The following PCDHA2 variants were observed in gnomAD, a reference collection of about 807,000 sequenced individuals.
PCDHA2 encodes the protein protocadherin alpha 2.
Under a neutral mutation model 66.0 loss-of-function variants are expected in PCDHA2, and 58 were observed. That is an observed-to-expected ratio of 0.88 (90% CI 0.71 to 1.09). PCDHA2 has a LOEUF of 1.09. PCDHA2 is among the 50% of genes least tolerant of loss of function. The probability of loss-of-function intolerance (pLI) is 0.00; values close to 1 mark genes in which losing one functional copy is unlikely to be tolerated. For missense variants in PCDHA2, 1,267 were observed against 1,242.3 expected (o/e 1.02, Z -0.30); for synonymous variants, 634 against 554.0 (o/e 1.14, Z -2.03).
At chr5:140,875,430 C>G in intron 1 of PCDHA2, 1 of 1,557,170 alleles carries the variant, frequency 6.4e-7, no homozygotes. Context: ...CAAGCGATCC[C>G]TTAAAACTGA....
intron 1 of PCDHA2, chr5:140,841,795 C>T (rs2150322842): frequency 6.2e-7 from 1 of 1,613,824 alleles, no homozygotes; most frequent in Non-Finnish European, 8.5e-7. Context: ...AGGGCGCGTC[C>T]GATGCAGATG....
intron 1 of PCDHA2, among the ~76,000 whole-genome samples, chr5:140,833,813 C>T (rs1772668751): frequency 6.6e-6 from 1 of 152,104 alleles, no homozygotes. Flanking sequence ...TCTTGAGATC[C>T]TGGGTCCCTA....
intron 1 of PCDHA2, among the ~76,000 whole-genome samples, chr5:140,941,211 C>CTCT (rs2092852939): frequency 7.7e-6 from 1 of 129,628 alleles, no homozygotes; most frequent in East Asian, 2.4e-4. Context: ...TCCTTTCTTT[C>CTCT]TTCCTTTCTT....
intron 1 of PCDHA2, among the ~76,000 whole-genome samples, chr5:140,939,456 T>C (rs1554212738): frequency 6.6e-6 from 1 of 152,206 alleles, no homozygotes; most frequent in Non-Finnish European, 1.5e-5. Flanking sequence ...GTGAAATTTA[T>C]AGGCCTAGAA....
intron 1 of PCDHA2, among the ~76,000 whole-genome samples, chr5:140,846,372 TC>T (rs146357297): frequency 0.2 from 13,294 of 65,432 alleles, 1,456 homozygotes; most frequent in African/African-American, 0.26. Flanking sequence ...TTTCTTTCTT[TC>T]TTTTTTTTTT....
chr5:140,938,843 C>T (rs1232774282), intron 1 of PCDHA2, among the ~76,000 whole-genome samples: 3 of 152,012 alleles, frequency 2.0e-5, no homozygotes, highest in Admixed American at 6.6e-5. Flanking sequence ...AACAAACCTG[C>T]CCATGTACCC....
intron 1 of PCDHA2, chr5:140,877,670 C>T: frequency 6.8e-6 from 11 of 1,613,654 alleles, no homozygotes; most frequent in Non-Finnish European, 7.6e-6. Flanking sequence ...AGCCGGTGCG[C>T]GCCGGGCAAG....
chr5:140,967,401 G>A lies in PCDHA2; in HGVS notation c.2389-11548G>A. On this transcript the variant is annotated intron_variant, in intron 1 of 3. Transcript: ENST00000526136. ...AGTAAAGTGCTTGAGCTGGTGCTGC[G>A]TAAGGGCCTAGACCGGGAGCAGGCA... 3.1e-6 allele frequency: 5 copies of A among 1,611,944 alleles called. No individual in the cohort carries two copies. Among genetic ancestry groups the A allele is most frequent in the East Asian group, 2.2e-5 (1 of 44,806 alleles).
chr5:140,993,293 A>G (rs1445204823), intron 3 of PCDHA2, among the ~76,000 whole-genome samples: 1 of 152,062 alleles, frequency 6.6e-6, no homozygotes, highest in African/African-American at 2.4e-5. Flanking sequence ...CAGGGTCACA[A>G]CCTTGCCTCC....
chr5:140,829,652 C>CA, intron 1 of PCDHA2: 1 of 1,612,488 alleles, frequency 6.2e-7, no homozygotes, highest in Non-Finnish European at 8.5e-7. Context: ...GTACGCGCTG[C>CA]AGCCGCTGGA....
At position 140,797,007 on chromosome 5, in the gene PCDHA2, G is replaced by A. The variant is rs149822412; in HGVS notation, c.2043G>A (p.Arg681=). Reference sequence around the variant, plus strand: ...GCCAGGCACCCAAGGCCTCGTCGCGGGCGTGGGTGGGCGCCGCGGGCTCAG... The same window carrying A: ...GCCAGGCACCCAAGGCCTCGTCGCGAGCGTGGGTGGGCGCCGCGGGCTCAG... ...ESGQAPKASS[R]AWVGAAGSEA... The change falls in exon 1 of 4, where the codon CGG becomes CGA. Residue 681 remains arginine, a synonymous_variant. Coordinates refer to ENST00000526136, the MANE Select transcript of PCDHA2 (RefSeq NM_018905.3). The A allele has an allele frequency of 0.039, 62,634 of 1,613,692 alleles. 1,373 individuals carry two copies. The highest frequency in any genetic ancestry group is 0.045 in the Non-Finnish European group (53,218 of 1,179,956).
intron 1 of PCDHA2, chr5:140,812,200 G>T (rs1765059673): frequency 6.6e-6 from 1 of 151,378 alleles, no homozygotes; most frequent in South Asian, 2.1e-4. Flanking sequence ...CTCCTTACTA[G>T]TTACAGCTTT....
intron 1 of PCDHA2, among the ~76,000 whole-genome samples, chr5:140,933,147 A>G (rs1584764690): frequency 6.6e-6 from 1 of 151,986 alleles, no homozygotes. Context: ...ATAGCCACTC[A>G]TTTTGTTCCC....
chr5:140,993,134 A>G (rs2097542279), intron 3 of PCDHA2, among the ~76,000 whole-genome samples: 1 of 152,238 alleles, frequency 6.6e-6, no homozygotes, highest in African/African-American at 2.4e-5. Flanking sequence ...CTTCTGTTGC[A>G]ACAAGTATAA....
intron 1 of PCDHA2, chr5:140,861,441 C>A: frequency 2.0e-6 from 1 of 493,506 alleles, no homozygotes; most frequent in Non-Finnish European, 4.2e-6. Context: ...TTCCAAAAGC[C>A]GCAGAAACCT....
At chr5:140,937,370 TTATG>T (rs2091504322) in intron 1 of PCDHA2, among the ~76,000 whole-genome samples, 1 of 152,120 alleles carries the variant, frequency 6.6e-6, no homozygotes, top group South Asian at 2.1e-4. Flanking sequence ...ATCTTAATGT[TTATG>T]TGTGTGTATG....
At chr5:140,843,295 G>T in intron 1 of PCDHA2, 1 of 1,595,950 alleles carries the variant, frequency 6.3e-7, no homozygotes, top group African/African-American at 1.3e-5. Flanking sequence ...GTGAACCTGC[G>T]CTGACCGCCA....
intron 1 of PCDHA2, chr5:140,808,143 T>A: frequency 6.2e-7 from 1 of 1,614,142 alleles, no homozygotes; most frequent in Non-Finnish European, 8.5e-7. Flanking sequence ...TATGAAATTA[T>A]TGTAGAGGGC....
At chr5:140,837,516 C>CGT (rs149634951) in intron 1 of PCDHA2, among the ~76,000 whole-genome samples, 1 of 151,568 alleles carries the variant, frequency 6.6e-6, no homozygotes. Flanking sequence ...AAGCAGTTTA[C>CGT]TTTTTTTGTA....
Sources: allele counts gnomAD v4.1 joint callset (sites outside exome capture counted in the v4.1 genomes callset), GRCh38; gene constraint gnomAD v4.1.1; transcripts MANE v1.5; gene names NCBI Gene and HGNC (gene_info 2026-07-23, HGNC 2026-07-21).